The following RNF214 variants were observed in gnomAD, a reference collection of about 807,000 sequenced individuals.
RNF214 encodes ring finger protein 214.
Under a neutral mutation model 75.9 loss-of-function variants are expected in RNF214, and 25 were observed. The observed-to-expected ratio is 0.33, with a 90% CI of 0.24 to 0.46. The LOEUF is 0.46. RNF214 is among the 20% of genes least tolerant of loss of function. RNF214 has a pLI of 1.00. For synonymous variants in RNF214, 314 were observed against 308.8 expected, an observed-to-expected ratio of 1.02 and a Z score of -0.18; for missense variants, 725 against 857.5, an observed-to-expected ratio of 0.85 and a Z score of 1.93.
At chr11:117,237,233 C>T (rs537620716) in intron 2 of RNF214, among the ~76,000 whole-genome samples, 104 of 152,260 alleles carry the variant, frequency 6.8e-4, no homozygotes, top group African/African-American at 2.2e-3. Flanking sequence ...GTGCACGCCA[C>T]TACACTTGGC....
chr11:117,266,769 G>A (rs1015209387), intron 6 of RNF214, among the ~76,000 whole-genome samples: 12 of 151,716 alleles, frequency 7.9e-5, no homozygotes, highest in South Asian at 2.1e-4. Flanking sequence ...GATATTGTCC[G>A]ACAGCTCACT....
At chr11:117,244,624 A>G in intron 5 of RNF214, 39 bp downstream of exon 5, 2 of 1,504,256 alleles carry the variant, frequency 1.3e-6, no homozygotes, top group African/African-American at 1.5e-5. Flanking sequence ...GAGTTAAGCA[A>G]CAGTCTCTGA....
chr11:117,248,056 G>C (rs2033274483), intron 6 of RNF214, among the ~76,000 whole-genome samples: 1 of 152,046 alleles, frequency 6.6e-6, no homozygotes, highest in Non-Finnish European at 1.5e-5. Context: ...AATTTGGTCA[G>C]CTTCTCAATT....
At chr11:117,265,708 C>T (rs1424967802) in intron 6 of RNF214, among the ~76,000 whole-genome samples, 3 of 152,118 alleles carry the variant, frequency 2.0e-5, no homozygotes, top group Non-Finnish European at 4.4e-5. Context: ...AGCCACCGCG[C>T]CTGGCCATCT....
chr11:117,277,395 G>A (rs2034034593), intron 6 of RNF214, among the ~76,000 whole-genome samples: 1 of 152,158 alleles, frequency 6.6e-6, no homozygotes, highest in South Asian at 2.1e-4. Flanking sequence ...AATACCTGGA[G>A]ATTAAGGCAG....
chr11:117,234,653 G>A (rs1329984957), intron 2 of RNF214, among the ~76,000 whole-genome samples: 1 of 152,188 alleles, frequency 6.6e-6, no homozygotes, highest in Non-Finnish European at 1.5e-5. Flanking sequence ...TACGTGGACT[G>A]TATGTTCATT....
At chr11:117,270,807 A>G (rs12287057) in intron 6 of RNF214, among the ~76,000 whole-genome samples, 19 of 152,104 alleles carry the variant, frequency 1.2e-4, no homozygotes, top group African/African-American at 4.6e-4. Context: ...GCTGGTCTCA[A>G]CTCAAATGCC....
chr11:117,282,973 TG>T, intron 13 of RNF214, 123 bp downstream of exon 13: 1 of 992,994 alleles, frequency 1.0e-6, no homozygotes, highest in South Asian at 1.5e-5. Flanking sequence ...ACTGGGAAAA[TG>T]CAAATATTTT....
intron 8 of RNF214, 23 bp downstream of exon 8, chr11:117,280,282 G>C: frequency 6.7e-7 from 1 of 1,500,888 alleles, no homozygotes; most frequent in South Asian, 1.1e-5. Flanking sequence ...CCGTTCTAGA[G>C]CTTTAATTGT....
chr11:117,260,945 C>T (rs1211225477), intron 6 of RNF214, among the ~76,000 whole-genome samples: 4 of 149,936 alleles, frequency 2.7e-5, no homozygotes, highest in Non-Finnish European at 4.4e-5. Context: ...TGAGCCACCT[C>T]GCCCGGCCAA....
Position 117,282,397 on chromosome 11 carries a change from T to C in RNF214, c.1713-7T>C, listed in dbSNP as rs1216485810. 1 of 1,612,916 alleles carries C rather than the reference T, an allele frequency of 6.2e-7. No individual in the cohort carries two copies. Among genetic ancestry groups the C allele is most frequent in the Non-Finnish European group, 8.5e-7 (1 of 1,179,154 alleles). Reference sequence around the variant, plus strand: ...GCTTTCTCTCCCTCAACATTTTTTTTCCTCAGGGCCCAGATGACCAACATT... The same window carrying C: ...GCTTTCTCTCCCTCAACATTTTTTTCCCTCAGGGCCCAGATGACCAACATT... On this transcript the variant is annotated splice_region_variant and splice_polypyrimidine_tract_variant and intron_variant, in intron 11 of 14. Transcript: ENST00000300650.
chr11:117,264,149 C>T (rs1418149996), intron 6 of RNF214, among the ~76,000 whole-genome samples: 2 of 151,988 alleles, frequency 1.3e-5, no homozygotes, highest in African/African-American at 2.4e-5. Context: ...GGTGAAACCC[C>T]GTCTCTACTA....
At chr11:117,236,437 C>G (rs1402365250) in intron 2 of RNF214, among the ~76,000 whole-genome samples, 4 of 152,084 alleles carry the variant, frequency 2.6e-5, no homozygotes, top group Non-Finnish European at 5.9e-5. Flanking sequence ...CCACACCCGG[C>G]TAATTTTTTG....
intron 6 of RNF214, chr11:117,263,757 T>G (rs2033732657): frequency 6.1e-6 from 1 of 164,476 alleles, no homozygotes; most frequent in Non-Finnish European, 1.3e-5. Flanking sequence ...AAACATATGG[T>G]GAATACAAAT....
At chr11:117,233,279 G>A (rs2032783072) in intron 1 of RNF214, among the ~76,000 whole-genome samples, 1 of 152,206 alleles carries the variant, frequency 6.6e-6, no homozygotes. Flanking sequence ...TGCACCTGAG[G>A]GAGCAGCAAT....
At chr11:117,251,109 C>G (rs1198981234) in intron 6 of RNF214, among the ~76,000 whole-genome samples, 1 of 151,456 alleles carries the variant, frequency 6.6e-6, no homozygotes, top group Non-Finnish European at 1.5e-5. Flanking sequence ...CATCATGGCC[C>G]GTTCTCAACG....
At chr11:117,260,366 G>A (rs2033627117) in intron 6 of RNF214, among the ~76,000 whole-genome samples, 1 of 152,222 alleles carries the variant, frequency 6.6e-6, no homozygotes, top group Non-Finnish European at 1.5e-5. Context: ...AGTTGTTCCA[G>A]CACCATTTAT....
intron 6 of RNF214, among the ~76,000 whole-genome samples, chr11:117,254,689 T>A (rs573096224): frequency 1.1e-4 from 17 of 152,080 alleles, no homozygotes; most frequent in African/African-American, 3.9e-4. Context: ...AGTGGCACGA[T>A]CTCAGCTCAC....
Position 117,281,329 on chromosome 11 carries a change from A to C in RNF214, c.1161A>C (p.Thr387=), listed in dbSNP as rs2034123468. 6.2e-7 allele frequency: 1 copy of C among 1,613,072 alleles called. No individual in the cohort carries two copies. The highest frequency in any genetic ancestry group is 8.5e-7 in the Non-Finnish European group (1 of 1,179,360). ...TTCTTGAAAGGTCAACTCCCCCAAC[A>C]CTGGAGACAGTTCGTTCCAAACAGG... ...HLTYLKSTPP[T]LETVRSKQEW... The change falls in exon 9 of 15, where the codon ACA becomes ACC. Residue 387 remains threonine (T), a synonymous_variant. Coordinates refer to ENST00000300650, the MANE Select transcript of RNF214 (RefSeq NM_207343.4).
Sources: gnomAD v4.1 joint callset for allele counts (sites outside exome capture counted in the v4.1 genomes callset) on GRCh38, gnomAD v4.1.1 for gene constraint, MANE v1.5 for transcripts, NCBI Gene and HGNC (gene_info 2026-07-23, HGNC 2026-07-21) for gene names.